The following DDHD2 variants were observed in gnomAD, a reference collection of about 807,000 sequenced individuals.
DDHD2 encodes DDHD domain containing 2.
DDHD2 carries 62 observed loss-of-function variants against 91.2 expected under a neutral mutation model. The observed-to-expected ratio is 0.68, with a 90% CI of 0.55 to 0.84. The LOEUF is 0.84. Among genes scored for constraint, DDHD2 ranks in the 40% least tolerant of loss-of-function variants. The pLI is 0.00. For missense variants in DDHD2, 740 were observed against 846.9 expected (o/e 0.87, Z 1.57); for synonymous variants, 271 against 293.9 (o/e 0.92, Z 0.80).
chr8:38,247,688 A>C (rs375439227), intron 9 of DDHD2, 25 bp from the exon 10 acceptor site: 1 of 1,421,728 alleles, frequency 7.0e-7, no homozygotes, highest in Non-Finnish European at 9.5e-7. Flanking sequence ...TTTCAAGAAT[A>C]TGAGCTTTAT....
At position 38,261,371 on chromosome 8, in the gene DDHD2, G is replaced by A. The variant is rs764886483; in HGVS notation, c.*798G>A. On this transcript the variant is annotated 3_prime_UTR_variant, in exon 18 of 18. Coordinates refer to ENST00000397166, the MANE Select transcript of DDHD2 (RefSeq NM_015214.3). ...ATTTGCTAATAGCTTCTATTCTTAC[G>A]TTGAAAATAGTTGTAAAAGCTGATG... 4 of 152,102 alleles carry A rather than the reference G, an allele frequency of 2.6e-5. No individual in the cohort carries two copies. The highest frequency in any genetic ancestry group is 4.4e-5 in the Non-Finnish European group (3 of 68,022). 9.4% of individuals were successfully genotyped at this position (152,102 alleles called of 1,614,324 possible).
intron 6 of DDHD2, chr8:38,242,047 C>A (rs748927484): frequency 8.9e-5 from 44 of 491,652 alleles, no homozygotes; most frequent in Non-Finnish European, 1.1e-4. Flanking sequence ...GAGCAGTACT[C>A]CATCTCAAAA....
chr8:38,255,194 C>CACA, intron 16 of DDHD2: 1 of 114,102 alleles, frequency 8.8e-6, no homozygotes, highest in East Asian at 4.1e-4. Flanking sequence ...GACTCCATCT[C>CACA]AAAAAAAAAA....
rs562133590 is a variant in DDHD2, at chr8:38,248,377, T to G, written c.1248+542T>G. ...TGCCCAGCCAGCTGATTTGTTTTTT[T>G]TTTTTTTTTTCCATTTTTGTCGTGC... is the stretch of plus-strand genomic sequence containing the variant. On this transcript the variant is annotated intron_variant, in intron 10 of 17. Transcript: ENST00000397166. 6.6e-5 allele frequency among the ~76,000 whole-genome samples: 10 copies of G among 151,962 alleles called. No homozygotes were observed. The East Asian group carries it at 1.4e-3, about 21-fold the overall frequency.
At chr8:38,253,458 C>T in intron 15 of DDHD2, 98 bp from the exon 16 acceptor site, 2 of 1,049,204 alleles carry the variant, frequency 1.9e-6, no homozygotes, top group Middle Eastern at 2.1e-4. Flanking sequence ...CAGAGAGTAG[C>T]TCATTCTCTG....
chr8:38,242,283 T>A lies in DDHD2; in HGVS notation c.746T>A (p.Leu249Gln). Residue 249 changes from leucine (L) to glutamine (Q), a missense_variant, in exon 7 of 18, where the codon CTA becomes CAA. Transcript: ENST00000397166. Reference protein sequence around the residue: ...NDFRSVSLNLLQTHFKKAQEN... With the variant: ...NDFRSVSLNLQQTHFKKAQEN... ...TTTCGCAGTGTTTCCTTGAACTTGC[T>A]ACAGACACATTTTAAGAAAGCCCAA... is the stretch of plus-strand genomic sequence containing the variant. The A allele has an allele frequency of 1.2e-6, 2 of 1,601,864 alleles. No homozygotes were observed. The highest frequency in any genetic ancestry group is 1.7e-6 in the Non-Finnish European group (2 of 1,177,192).
chr8:38,242,226 G>A (rs748718027), intron 6 of DDHD2, 24 bp from the exon 7 acceptor site: 2 of 1,562,434 alleles, frequency 1.3e-6, no homozygotes. Flanking sequence ...CATTGTTGAT[G>A]CATAAGTTAA....
At chr8:38,235,719 C>CAAA (rs758520572) in intron 3 of DDHD2, among the ~76,000 whole-genome samples, 2 of 76,430 alleles carry the variant, frequency 2.6e-5, no homozygotes, top group African/African-American at 4.8e-5. Context: ...AACTCCATCT[C>CAAA]AAAAAAAAAA....
intron 7 of DDHD2, 136 bp from the exon 8 acceptor site, chr8:38,245,606 C>T (rs1399873529): frequency 3.8e-6 from 3 of 786,342 alleles, no homozygotes; most frequent in East Asian, 2.5e-5. Context: ...TACACATGTT[C>T]CTTTGTCCTC....
chr8:38,248,248 A>G (rs1805802563), intron 10 of DDHD2, among the ~76,000 whole-genome samples: 1 of 151,814 alleles, frequency 6.6e-6, no homozygotes, highest in Admixed American at 6.6e-5. Flanking sequence ...GTTTCACTGT[A>G]TTGGCCAAGC....
intron 16 of DDHD2, 27 bp from the exon 17 acceptor site, chr8:38,260,013 T>C: frequency 6.8e-7 from 1 of 1,479,244 alleles, no homozygotes; most frequent in Non-Finnish European, 9.4e-7. Flanking sequence ...TAGTTCCTTT[T>C]CTCAACATAA....
downstream of DDHD2, chr8:38,263,412 G>A (rs532900784): frequency 2.0e-6 from 2 of 985,382 alleles, no homozygotes; most frequent in East Asian, 1.1e-4. Flanking sequence ...CAGATCTTCA[G>A]TCATGAATGG....
In DDHD2 at chr8:38,253,129, T is replaced by TC; in HGVS notation, c.1891+3dup. Reference sequence around the variant, plus strand: ...AATCAACTTCAGAGAAGCCTAGTGGTCAGTGACACTGTACACATTGACCAG... The same window carrying TC: ...AATCAACTTCAGAGAAGCCTAGTGGTCCAGTGACACTGTACACATTGACCAG... On this transcript the variant is annotated splice_region_variant and intron_variant, in intron 15 of 17. Coordinates refer to ENST00000397166, the MANE Select transcript of DDHD2 (RefSeq NM_015214.3). The TC allele has an allele frequency of 6.2e-7, 1 of 1,612,846 alleles. No homozygotes were observed. The highest frequency in any genetic ancestry group is 1.6e-4 in the Middle Eastern group (1 of 6,062).
intron 1 of DDHD2, chr8:38,268,844 T>A: frequency 6.6e-7 from 1 of 1,505,038 alleles, no homozygotes; most frequent in Non-Finnish European, 8.8e-7. Flanking sequence ...GGAAGCCGGG[T>A]CATGGGGAGG....
downstream of DDHD2, chr8:38,267,426 T>G (rs1807814626): frequency 6.2e-7 from 1 of 1,603,636 alleles, no homozygotes; most frequent in Admixed American, 1.7e-5. Flanking sequence ...ACGTAAATCA[T>G]TAACTCCAGA....
chr8:38,248,378 T>G (rs1191244354), intron 10 of DDHD2, among the ~76,000 whole-genome samples: 3 of 151,850 alleles, frequency 2.0e-5, no homozygotes, highest in African/African-American at 7.3e-5. Context: ...TTGTTTTTTT[T>G]TTTTTTTTTC....
rs1340651459 is a variant in DDHD2 at position 38,262,560 on chromosome 8, C to CT, written c.*1988dup. ...GCTTCATTTGTATCATGTGCAATCT[C>CT]TAGACCAACCCTATTTTTAAACTCT... On this transcript the variant is annotated 3_prime_UTR_variant, in exon 18 of 18. Coordinates refer to ENST00000397166, the MANE Select transcript of DDHD2 (RefSeq NM_015214.3). 1.3e-5 allele frequency: 2 copies of CT among 152,154 alleles called. No individual in the cohort carries two copies. Among genetic ancestry groups the CT allele is most frequent in the African/African-American group, 4.8e-5 (2 of 41,430 alleles). The allele number at this position is 152,154 out of a possible 1,614,324, so 9.4% of individuals were successfully genotyped here. A position where few individuals can be genotyped will look rare whatever the true frequency, so the allele number is the denominator to read the frequency against.
intron 1 of DDHD2, chr8:38,270,261 A>T (rs778899922): frequency 9.2e-5 from 14 of 152,210 alleles, no homozygotes; most frequent in Non-Finnish European, 1.8e-4. Context: ...GGTTCACAGG[A>T]TCTACAAAGT....
chr8:38,273,065 T>C (rs545030775), downstream of DDHD2: 9 of 152,456 alleles, frequency 5.9e-5, no homozygotes, highest in East Asian at 1.7e-3. Context: ...AGTCTCGCTC[T>C]GTCACCCAGG....
Sources: gnomAD v4.1 joint callset for allele counts (sites outside exome capture counted in the v4.1 genomes callset) on GRCh38, gnomAD v4.1.1 for gene constraint, MANE v1.5 for transcripts, NCBI Gene and HGNC (gene_info 2026-07-23, HGNC 2026-07-21) for gene names.